SAMSN1: variants seen among roughly 807,000 people sequenced by gnomAD.
The protein encoded by SAMSN1 is SAM domain-containing protein SAMSN-1.
SAMSN1 carries 31 observed loss-of-function variants against 42.0 expected under a neutral mutation model. The ratio of observed to expected loss-of-function variants is 0.74; its 90% CI spans 0.55 to 1.00. SAMSN1 has a LOEUF of 1.00. Among genes scored for constraint, SAMSN1 ranks in the 50% least tolerant of loss-of-function variants. SAMSN1 has a pLI of 0.00. For missense variants in SAMSN1, 464 were observed against 439.4 expected, an observed-to-expected ratio of 1.06 and a Z score of -0.50; for synonymous variants, 178 against 151.9, an observed-to-expected ratio of 1.17 and a Z score of -1.26.
At chr21:14,645,702 A>G (rs1230739733) in intron 1 of SAMSN1, among the ~76,000 whole-genome samples, 1 of 152,248 alleles carries the variant, frequency 6.6e-6, no homozygotes, top group Non-Finnish European at 1.5e-5. Flanking sequence ...AGAAAGAGAT[A>G]TGTGACCTTT....
At chr21:14,514,407 G>A (rs138111920) in intron 3 of SAMSN1, among the ~76,000 whole-genome samples, 3 of 152,214 alleles carry the variant, frequency 2.0e-5, no homozygotes, top group East Asian at 1.9e-4. Flanking sequence ...ATTTCCACTT[G>A]TCAGAGATAT....
intron 6 of SAMSN1, chr21:14,598,249 T>C (rs1982327987): frequency 6.6e-6 from 1 of 152,172 alleles, no homozygotes; most frequent in African/African-American, 2.4e-5. Context: ...CTCTGAAGGC[T>C]GAATGCAACC....
At chr21:14,560,108 C>A (rs957167632) in intron 2 of SAMSN1, among the ~76,000 whole-genome samples, 1 of 152,106 alleles carries the variant, frequency 6.6e-6, no homozygotes, top group Non-Finnish European at 1.5e-5. Context: ...CTGTATCAAT[C>A]TGAGGTGTAA....
intron 1 of SAMSN1, among the ~76,000 whole-genome samples, chr21:14,656,814 CTCTT>C (rs1983924062): frequency 6.6e-6 from 1 of 151,780 alleles, no homozygotes; most frequent in Non-Finnish European, 1.5e-5. Context: ...AGATGTTTAA[CTCTT>C]TCATTCTTTC....
At position 14,498,486 on chromosome 21, in the gene SAMSN1, C is replaced by T. The variant is rs1380320739; in HGVS notation, c.875G>A (p.Arg292Lys). ...IELNIENPDD[R>K]RRLLSAAENF... is the part of the protein sequence containing the mutation. Reference sequence around the variant, plus strand: ...TTCAGCAGCTGATAGTAACCTTCTTCTGTCATCTGGGTTTTCAATATTTAA... The same window carrying T: ...TTCAGCAGCTGATAGTAACCTTCTTTTGTCATCTGGGTTTTCAATATTTAA... The change falls in exon 7 of 8, where the codon AGA (arginine) becomes AAA (lysine). Residue 292 changes from arginine (R) to lysine (K), a missense_variant. Transcript: ENST00000400566. 3 of 1,611,640 alleles carry T rather than the reference C, an allele frequency of 1.9e-6. No individual in the cohort carries two copies. The highest frequency in any genetic ancestry group is 1.1e-5 in the South Asian group (1 of 90,522).
At chr21:14,639,175 G>C (rs973430351) in intron 2 of SAMSN1, among the ~76,000 whole-genome samples, 1 of 152,186 alleles carries the variant, frequency 6.6e-6, no homozygotes, top group African/African-American at 2.4e-5. Context: ...GCTTGATCCA[G>C]TTAGCCCCAA....
intron 2 of SAMSN1, among the ~76,000 whole-genome samples, chr21:14,631,390 C>G (rs1983324576): frequency 6.6e-6 from 1 of 152,044 alleles, no homozygotes; most frequent in African/African-American, 2.4e-5. Flanking sequence ...AGAACTTGTC[C>G]AAGGTGGGAT....
At chr21:14,615,903 A>C in intron 3 of SAMSN1, 1 of 429,186 alleles carries the variant, frequency 2.3e-6, no homozygotes, top group Non-Finnish European at 4.4e-6. Context: ...TTTGGCACGA[A>C]GTCCACTAAA....
chr21:14,654,693 C>T (rs1027385812), intron 1 of SAMSN1, among the ~76,000 whole-genome samples: 1 of 151,968 alleles, frequency 6.6e-6, no homozygotes, highest in Non-Finnish European at 1.5e-5. Context: ...ATGAAACAAG[C>T]TACCAATAGT....
chr21:14,654,747 A>G (rs1983890033), intron 1 of SAMSN1, among the ~76,000 whole-genome samples: 1 of 152,002 alleles, frequency 6.6e-6, no homozygotes, highest in South Asian at 2.1e-4. Flanking sequence ...GCTTGGAATA[A>G]GATCTCTGGA....
At chr21:14,562,638 C>A (rs1250478524) in intron 2 of SAMSN1, among the ~76,000 whole-genome samples, 1 of 151,682 alleles carries the variant, frequency 6.6e-6, no homozygotes, top group Non-Finnish European at 1.5e-5. Flanking sequence ...AAACTCATCA[C>A]CATGAAATGA....
chr21:14,495,737 ATGTTT>A (rs1236477915), intron 7 of SAMSN1: 3 of 152,168 alleles, frequency 2.0e-5, no homozygotes, highest in Admixed American at 2.0e-4. Context: ...TGGAGACACT[ATGTTT>A]TGTTTTCAGA....
At chr21:14,588,496 A>G (rs988240961) in intron 7 of SAMSN1, among the ~76,000 whole-genome samples, 5 of 151,398 alleles carry the variant, frequency 3.3e-5, no homozygotes, top group African/African-American at 1.2e-4. Flanking sequence ...TCTGATGGCC[A>G]GTGATGATGA....
intron 5 of SAMSN1, among the ~76,000 whole-genome samples, chr21:14,603,289 G>A (rs576498962): frequency 6.6e-6 from 1 of 152,140 alleles, no homozygotes; most frequent in Non-Finnish European, 1.5e-5. Context: ...AAAAAGAACA[G>A]TAAAGTGGCC....
intron 1 of SAMSN1, among the ~76,000 whole-genome samples, chr21:14,538,713 A>C (rs1318460320): frequency 6.6e-6 from 1 of 152,214 alleles, no homozygotes; most frequent in Admixed American, 6.5e-5. Context: ...AAAACAGCTC[A>C]TAATCAACTC....
At chr21:14,493,981 T>C (rs1345902683) in intron 7 of SAMSN1, among the ~76,000 whole-genome samples, 2 of 152,168 alleles carry the variant, frequency 1.3e-5, no homozygotes, top group Non-Finnish European at 2.9e-5. Flanking sequence ...TGGAGAAGCA[T>C]CTTTACTTCC....
chr21:14,625,068 G>A (rs459837), intron 2 of SAMSN1, among the ~76,000 whole-genome samples: 30,346 of 151,840 alleles, frequency 0.2, 4,403 homozygotes, highest in African/African-American at 0.42. Context: ...CCTTTGACAA[G>A]ATTCAACTGC....
chr21:14,570,060 G>C (rs574542954), intron 2 of SAMSN1, among the ~76,000 whole-genome samples: 2 of 151,924 alleles, frequency 1.3e-5, no homozygotes, highest in African/African-American at 4.8e-5. Context: ...GGTTCACACA[G>C]AAAATATTTT....
At chr21:14,649,309 A>C (rs375894931) in intron 1 of SAMSN1, among the ~76,000 whole-genome samples, 13,015 of 148,734 alleles carry the variant, frequency 0.088, 676 homozygotes, top group Admixed American at 0.17. Flanking sequence ...GCATTGGGAG[A>C]TATACCTAAT....
Sources: gnomAD v4.1 joint callset for allele counts (sites outside exome capture counted in the v4.1 genomes callset) on GRCh38, gnomAD v4.1.1 for gene constraint, MANE v1.5 for transcripts, NCBI Gene and HGNC (gene_info 2026-07-23, HGNC 2026-07-21) for gene names.